Variants in COL23A1 observed in about 807,000 individuals in gnomAD.
COL23A1 encodes collagen type XXIII alpha 1 chain, also known as collagen alpha-1(XXIII) chain.
Under a neutral mutation model 99.3 loss-of-function variants are expected in COL23A1, and 97 were observed. That is an observed-to-expected ratio of 0.98 (90% CI 0.83 to 1.16). The LOEUF is 1.16. COL23A1 is among the 50% of genes most tolerant of loss of function. COL23A1 has a pLI of 0.00. For synonymous variants in COL23A1, 320 were observed against 308.2 expected (o/e 1.04, Z -0.40); for missense variants, 762 against 757.4 (o/e 1.01, Z -0.07).
chr5:178,370,079 C>A (rs1053262976), intron 2 of COL23A1, among the ~76,000 whole-genome samples: 2 of 152,172 alleles, frequency 1.3e-5, no homozygotes, highest in African/African-American at 2.4e-5. Flanking sequence ...AGAACTAAGG[C>A]CAGCACCAAA....
chr5:178,422,075 G>T (rs1300416232), intron 2 of COL23A1, among the ~76,000 whole-genome samples: 2 of 152,076 alleles, frequency 1.3e-5, no homozygotes, highest in Non-Finnish European at 2.9e-5. Context: ...TTATCTCAGG[G>T]CCCTTCACTT....
intron 2 of COL23A1, among the ~76,000 whole-genome samples, chr5:178,536,517 T>A (rs1304561024): frequency 6.6e-6 from 1 of 152,228 alleles, no homozygotes; most frequent in Non-Finnish European, 1.5e-5. Flanking sequence ...AATCACCGGA[T>A]GCATCATCCA....
rs1196092245 is a variant in COL23A1 at position 178,242,052 on chromosome 5, G to A, written c.1571C>T (p.Pro524Leu). The A allele has an allele frequency of 2.6e-6, 4 of 1,554,288 alleles. No individual in the cohort carries two copies. The highest frequency in any genetic ancestry group is 2.7e-5 in the African/African-American group (2 of 73,278). The change falls in exon 27 of 29, where the codon CCG becomes CTG. Residue 524 changes from proline (P) to leucine (L), a missense_variant. Physicochemically the swap from Pro to Leu is moderately conservative, Grantham distance 98. Transcript: ENST00000390654. ...TCCTCCGACACCTACCACGGGACAC[G>A]GCTGGTCCAGGCCTGGTGGTCCCGG... ...GEPGPPGLDQPCPVGPDGLPV... is the reference protein window; with the variant it reads ...GEPGPPGLDQLCPVGPDGLPV...
chr5:178,456,971 CTG>C (rs1278571960), intron 2 of COL23A1, among the ~76,000 whole-genome samples: 1 of 152,126 alleles, frequency 6.6e-6, no homozygotes, highest in Non-Finnish European at 1.5e-5. Flanking sequence ...ACAACACACC[CTG>C]TTTTGGGTTT....
In COL23A1 at chr5:178,537,871, A is replaced by T. The variant is rs150645985; in HGVS notation, c.361+22811T>A. ...TTCACACTGTCGTGCCACCATCACC[A>T]CGTCCGCCTCCAGAGCTCTTCAACT... On this transcript the variant is annotated intron_variant, in intron 2 of 28. Transcript: ENST00000390654. 2.4e-4 allele frequency among the ~76,000 whole-genome samples: 37 copies of T among 152,236 alleles called. No individual in the cohort carries two copies. In the East Asian group the frequency reaches 7.0e-3, roughly 29 times the overall value.
intron 2 of COL23A1, among the ~76,000 whole-genome samples, chr5:178,458,810 G>A (rs1466011075): frequency 6.6e-6 from 1 of 152,180 alleles, no homozygotes; most frequent in African/African-American, 2.4e-5. Flanking sequence ...CCTTCATTCT[G>A]TGCCTCCTGT....
At chr5:178,249,995 AC>A in intron 18 of COL23A1, 65 bp downstream of exon 18, 3 of 1,547,388 alleles carry the variant, frequency 1.9e-6, no homozygotes, top group East Asian at 2.3e-5. Flanking sequence ...GCACACACAC[AC>A]ACACACACAC....
At position 178,249,117 on chromosome 5, in the gene COL23A1, C is replaced by G. The variant is rs760306310; in HGVS notation, c.1149G>C (p.Pro383=). Residue 383 remains proline, a splice_region_variant and synonymous_variant, in exon 19 of 29, where the codon CCG becomes CCC. Transcript: ENST00000390654. ...TGTGTGGCCCAACCCAGCCACATAC[C>G]GGGAGGCCGGACAAGCCCATCTCGC... ...EAGEMGLSGL[P]GADGLKGEKG... is the part of the protein sequence containing the mutation. 9 of 1,614,080 alleles carry G rather than the reference C, an allele frequency of 5.6e-6. No homozygotes were observed. The highest frequency in any genetic ancestry group is 7.6e-6 in the Non-Finnish European group (9 of 1,179,980).
At position 178,392,677 on chromosome 5, in the gene COL23A1, A is replaced by T. The variant is rs1764029634; in HGVS notation, c.362-85758T>A. 3.3e-5 allele frequency among the ~76,000 whole-genome samples: 5 copies of T among 152,150 alleles called. 1 individual carries two copies. In the South Asian group the frequency reaches 1.0e-3, roughly 32 times the overall value. On this transcript the variant is annotated intron_variant, in intron 2 of 28. Coordinates refer to ENST00000390654, the MANE Select transcript of COL23A1 (RefSeq NM_173465.4). ...ACCCTCAGCCTAAATTCGGCTCCCA[A>T]ATGTATCACGCTACCCCATGGCCGG... is the stretch of plus-strand genomic sequence containing the variant.
chr5:178,446,972 A>G (rs1581406046), intron 2 of COL23A1, among the ~76,000 whole-genome samples: 1 of 152,220 alleles, frequency 6.6e-6, no homozygotes, highest in Non-Finnish European at 1.5e-5. Context: ...CTCATAGTTA[A>G]GAAACACCAA....
rs1763102812 is a variant in COL23A1, at chr5:178,571,684, G to C, written c.295-10936C>G. ...GAAACTGGCCCACAACTGCCACAGA[G>C]GTTGGAATTAGCACACAAAGACATT... On this transcript the variant is annotated intron_variant, in intron 1 of 28. Transcript: ENST00000390654. 2.0e-5 allele frequency among the ~76,000 whole-genome samples: 3 copies of C among 152,168 alleles called. No individual in the cohort carries two copies. The South Asian group carries it at 6.2e-4, about 31-fold the overall frequency.
chr5:178,562,122 A>C, intron 1 of COL23A1: 1 of 518,412 alleles, frequency 1.9e-6, no homozygotes, highest in East Asian at 5.1e-5. Context: ...GGCGCCTATA[A>C]TCCCAGCTGC....
Position 178,248,221 on chromosome 5 carries a change from A to G in COL23A1, c.1183T>C (p.Ser395Pro). Residue 395 changes from serine (S) to proline (P), a missense_variant, in exon 20 of 29, where the codon TCG becomes CCG. Coordinates refer to ENST00000390654, the MANE Select transcript of COL23A1 (RefSeq NM_173465.4). ...CTCTCCTGTAGGCTGTCAGACGCCGACTCCCCCTTCTCCCCCTTGAGGCCG... is the reference window on the plus strand; with the variant it reads ...CTCTCCTGTAGGCTGTCAGACGCCGGCTCCCCCTTCTCCCCCTTGAGGCCG... ...ADGLKGEKGE[S>P]ASDSLQESLA... 2 of 1,597,368 alleles carry G rather than the reference A, an allele frequency of 1.3e-6. No homozygotes were observed. Among genetic ancestry groups the G allele is most frequent in the Non-Finnish European group, 1.7e-6 (2 of 1,169,516 alleles).
intron 25 of COL23A1, among the ~76,000 whole-genome samples, chr5:178,245,300 TCATCCATC>T (rs144926160): frequency 0.14 from 18,898 of 132,942 alleles, 1,535 homozygotes; most frequent in East Asian, 0.34. Context: ...ACTGCCATCA[TCATCCATC>T]CATCCATCCA....
At chr5:178,572,769 C>T (rs1302103099) in intron 1 of COL23A1, among the ~76,000 whole-genome samples, 2 of 152,172 alleles carry the variant, frequency 1.3e-5, no homozygotes, top group Admixed American at 1.3e-4. Context: ...AAACTGGAAA[C>T]AATCCAAACT....
chr5:178,341,230 T>C (rs1304057247), intron 2 of COL23A1, among the ~76,000 whole-genome samples: 1 of 152,228 alleles, frequency 6.6e-6, no homozygotes, highest in Non-Finnish European at 1.5e-5. Context: ...GCTCAAGCAA[T>C]TCTCCCGCCT....
chr5:178,334,982 T>C (rs1760241604), intron 2 of COL23A1, among the ~76,000 whole-genome samples: 1 of 152,192 alleles, frequency 6.6e-6, no homozygotes, highest in Non-Finnish European at 1.5e-5. Context: ...CGTTCCGACA[T>C]TCTGTTCAAG....
intron 2 of COL23A1, among the ~76,000 whole-genome samples, chr5:178,411,171 A>G (rs1026956260): frequency 9.9e-5 from 15 of 152,228 alleles, no homozygotes; most frequent in Admixed American, 7.9e-4. Context: ...GAGGATGTGG[A>G]AAAATTGGAA....
At chr5:178,527,270 C>G (rs1760362223) in intron 2 of COL23A1, among the ~76,000 whole-genome samples, 1 of 152,190 alleles carries the variant, frequency 6.6e-6, no homozygotes. Context: ...TGACACTCAC[C>G]CTCGCCCTGA....
Sources: gnomAD v4.1 joint callset for allele counts (sites outside exome capture counted in the v4.1 genomes callset) on GRCh38, gnomAD v4.1.1 for gene constraint, MANE v1.5 for transcripts, NCBI Gene and HGNC (gene_info 2026-07-23, HGNC 2026-07-21) for gene names.